Variants in BTBD9 observed in about 807,000 individuals in gnomAD.
BTBD9 encodes BTB domain containing 9, also known as BTB/POZ domain-containing protein 9.
In BTBD9, 49 loss-of-function variants were observed where a neutral mutation model predicts 64.3. That is an observed-to-expected ratio of 0.76 (90% CI 0.61 to 0.97). The LOEUF (loss-of-function observed/expected upper bound fraction) is 0.97, where lower values mean the gene tolerates loss of function less well. Ranked by LOEUF, BTBD9 falls within the 50% of genes least tolerant of loss-of-function variation. The probability of loss-of-function intolerance (pLI) is 0.00; values close to 1 mark genes in which losing one functional copy is unlikely to be tolerated. For synonymous variants in BTBD9, 260 were observed against 274.7 expected, an observed-to-expected ratio of 0.95 and a Z score of 0.53; for missense variants, 598 against 762.1, an observed-to-expected ratio of 0.78 and a Z score of 2.53.
At chr6:38,180,326 G>A (rs115149542) in intron 10 of BTBD9, among the ~76,000 whole-genome samples, 4,190 of 152,294 alleles carry the variant, frequency 0.028, 74 homozygotes, top group Non-Finnish European at 0.041. Flanking sequence ...AGCTGCCTCC[G>A]GCCCTTGGAG....
chr6:38,168,911 G>A lies in BTBD9; in HGVS notation c.*6074C>T, dbSNP rs1318546995. On this transcript the variant is annotated 3_prime_UTR_variant, in exon 11 of 11. Coordinates refer to ENST00000481247, the MANE Select transcript of BTBD9 (RefSeq NM_001099272.2). ...CACGCTTCTCCAGGCACTGGGGGGT[G>A]GGGAAGGGTGGCCTCAGGGACATAA... The A allele has an allele frequency of 6.6e-6, 1 of 152,384 alleles. No homozygotes were observed. The highest frequency in any genetic ancestry group is 1.5e-5 in the Non-Finnish European group (1 of 68,172). 9.4% of individuals were successfully genotyped at this position (152,384 alleles called of 1,614,324 possible).
Position 38,444,024 on chromosome 6 carries a change from C to T in BTBD9, c.1155-98931G>A, listed in dbSNP as rs191458318. On this transcript the variant is annotated intron_variant, in intron 6 of 10. Coordinates refer to ENST00000481247, the MANE Select transcript of BTBD9 (RefSeq NM_001099272.2). Reference sequence around the variant, plus strand: ...TTGCCTTTGGTCACTGTGCTCTCTTCTTAACAGGCTTCTCCCAGTTCTTCA... The same window carrying T: ...TTGCCTTTGGTCACTGTGCTCTCTTTTTAACAGGCTTCTCCCAGTTCTTCA... Among the ~76,000 whole-genome samples the T allele has an allele frequency of 1.6e-4, 25 of 152,328 alleles. 1 individual carries two copies. The East Asian group carries it at 2.7e-3, about 16-fold the overall frequency.
At chr6:38,342,137 A>G (rs1430154281) in intron 7 of BTBD9, among the ~76,000 whole-genome samples, 1 of 152,198 alleles carries the variant, frequency 6.6e-6, no homozygotes, top group East Asian at 1.9e-4. Flanking sequence ...GATAAATATT[A>G]TAAAAGTGAT....
chr6:38,281,357 C>T (rs542247709), intron 8 of BTBD9, among the ~76,000 whole-genome samples: 19 of 152,238 alleles, frequency 1.2e-4, no homozygotes, highest in African/African-American at 2.9e-4. Flanking sequence ...CAATTGAACT[C>T]GGCATGGGCT....
At chr6:38,569,302 G>A (rs541405426) in intron 6 of BTBD9, among the ~76,000 whole-genome samples, 5 of 152,122 alleles carry the variant, frequency 3.3e-5, no homozygotes, top group Non-Finnish European at 4.4e-5. Flanking sequence ...AATATAGCAC[G>A]TGTTCAATAA....
Position 38,174,712 on chromosome 6 carries a change from G to A in BTBD9, c.*273C>T, listed in dbSNP as rs1766922144. ...TGTTCCCTGCGCCTGGGCTAGATTA[G>A]AGAGGTAGGGTGTTAATGGTGGACT... On this transcript the variant is annotated 3_prime_UTR_variant, in exon 11 of 11. Coordinates refer to ENST00000481247, the MANE Select transcript of BTBD9 (RefSeq NM_001099272.2). 2 of 470,686 alleles carry A rather than the reference G, an allele frequency of 4.2e-6. No individual in the cohort carries two copies. Among genetic ancestry groups the A allele is most frequent in the Admixed American group, 3.8e-5 (1 of 26,448 alleles). 29.2% of individuals were successfully genotyped at this position (470,686 alleles called of 1,614,324 possible). A position where few individuals can be genotyped will look rare whatever the true frequency, so the allele number is the denominator to read the frequency against.
rs956317058 is a variant in BTBD9 at position 38,462,789 on chromosome 6, C to T, written c.1154+114811G>A. ...ACAATCTCTCTCTCCATTTATTTCT[C>T]TAAGCTTTTTTTGTTTTGTTTTGTT... On this transcript the variant is annotated intron_variant, in intron 6 of 10. Transcript: ENST00000481247. 1.1e-4 allele frequency among the ~76,000 whole-genome samples: 17 copies of T among 152,200 alleles called. 1 individual carries two copies. The highest frequency in any genetic ancestry group is 3.9e-4 in the African/African-American group (16 of 41,540).
At chr6:38,346,950 A>G (rs1023141618) in intron 6 of BTBD9, among the ~76,000 whole-genome samples, 2 of 152,168 alleles carry the variant, frequency 1.3e-5, no homozygotes, top group African/African-American at 2.4e-5. Flanking sequence ...CAAAGGAGAG[A>G]CAGCTCTCCT....
chr6:38,583,336 C>T (rs1165912220), intron 4 of BTBD9, among the ~76,000 whole-genome samples: 1 of 152,052 alleles, frequency 6.6e-6, no homozygotes, highest in African/African-American at 2.4e-5. Context: ...CCCATCTCTA[C>T]TAAAAATACA....
intron 6 of BTBD9, among the ~76,000 whole-genome samples, chr6:38,445,328 C>A (rs753420581): frequency 6.6e-6 from 1 of 152,172 alleles, no homozygotes; most frequent in African/African-American, 2.4e-5. Flanking sequence ...TGATAGGATT[C>A]TTTGGTCTTA....
intron 9 of BTBD9, among the ~76,000 whole-genome samples, chr6:38,246,621 A>G (rs1022188733): frequency 4.6e-5 from 7 of 152,146 alleles, no homozygotes; most frequent in Non-Finnish European, 1.0e-4. Flanking sequence ...AAAACAGAAA[A>G]GAACATGACT....
chr6:38,569,186 C>T (rs79129005), intron 6 of BTBD9, among the ~76,000 whole-genome samples: 2,658 of 152,312 alleles, frequency 0.017, 59 homozygotes, highest in African/African-American at 0.057. Flanking sequence ...GTCCTGAATA[C>T]ACATTATTTT....
chr6:38,243,737 T>A (rs1453459564), intron 9 of BTBD9, among the ~76,000 whole-genome samples: 1 of 152,084 alleles, frequency 6.6e-6, no homozygotes, highest in East Asian at 1.9e-4. Context: ...GAGTTTAGTT[T>A]GAGACAAGTT....
rs1766691123 is a variant in BTBD9, at chr6:38,170,036, C to G, written c.*4949G>C. On this transcript the variant is annotated 3_prime_UTR_variant, in exon 11 of 11. Coordinates refer to ENST00000481247, the MANE Select transcript of BTBD9 (RefSeq NM_001099272.2). ...GGGTTGGAGGCTGGGCCAGGGAGCA[C>G]CGTGACCAGTGGTGGTCACAGAGGA... 1 of 152,244 alleles carries G rather than the reference C, an allele frequency of 6.6e-6. No individual in the cohort carries two copies. The highest frequency in any genetic ancestry group is 1.5e-5 in the Non-Finnish European group (1 of 68,116). The allele number at this position is 152,244 out of a possible 1,614,324, so 9.4% of individuals were successfully genotyped here.
intron 6 of BTBD9, among the ~76,000 whole-genome samples, chr6:38,351,824 G>A (rs1764528593): frequency 6.6e-6 from 1 of 152,104 alleles, no homozygotes; most frequent in Non-Finnish European, 1.5e-5. Flanking sequence ...TGGGGGAAAA[G>A]TGAATTTTGA....
In BTBD9 at chr6:38,321,213, G is replaced by A. The variant is rs181611165; in HGVS notation, c.1264+23771C>T. Among the ~76,000 whole-genome samples, 236 of 152,292 alleles carry A rather than the reference G, an allele frequency of 1.5e-3. 1 individual carries two copies. The highest frequency in any genetic ancestry group is 1.2e-3 in the Non-Finnish European group (82 of 68,032). Reference sequence around the variant, plus strand: ...ATAAGCAAATCACAACATATGAAACGAATCACAGACAGAAATAGGCTTATA... The same window carrying A: ...ATAAGCAAATCACAACATATGAAACAAATCACAGACAGAAATAGGCTTATA... On this transcript the variant is annotated intron_variant, in intron 7 of 10. Transcript: ENST00000481247.
chr6:38,196,380 C>T (rs1012094617), intron 9 of BTBD9, among the ~76,000 whole-genome samples: 2 of 152,118 alleles, frequency 1.3e-5, no homozygotes, highest in African/African-American at 4.8e-5. Context: ...TTAAATACTA[C>T]AAAAATTAGT....
intron 1 of BTBD9, among the ~76,000 whole-genome samples, chr6:38,612,007 T>C (rs1777631833): frequency 6.6e-6 from 1 of 152,208 alleles, no homozygotes; most frequent in Non-Finnish European, 1.5e-5. Flanking sequence ...AAACAAACCT[T>C]AACAACGCTA....
intron 7 of BTBD9, among the ~76,000 whole-genome samples, chr6:38,290,616 A>G (rs1326842747): frequency 6.6e-6 from 1 of 152,178 alleles, no homozygotes; most frequent in Non-Finnish European, 1.5e-5. Flanking sequence ...TCCCAGTGAC[A>G]GAGGCTTCAT....
Sources: allele counts gnomAD v4.1 joint callset (sites outside exome capture counted in the v4.1 genomes callset), GRCh38; gene constraint gnomAD v4.1.1; transcripts MANE v1.5; gene names NCBI Gene and HGNC (gene_info 2026-07-23, HGNC 2026-07-21).